The following RABL3 variants were observed in gnomAD, a reference collection of about 807,000 sequenced individuals.
The protein encoded by RABL3 is rab-like protein 3.
Under a neutral mutation model 31.8 loss-of-function variants are expected in RABL3, and 31 were observed. The observed-to-expected ratio is 0.97, with a 90% CI of 0.73 to 1.31. RABL3 has a LOEUF of 1.31. RABL3 is among the 40% of genes most tolerant of loss of function. The probability of loss-of-function intolerance (pLI) is 0.00; values close to 1 mark genes in which losing one functional copy is unlikely to be tolerated. For synonymous variants in RABL3, 97 were observed against 99.9 expected (o/e 0.97, Z 0.18); for missense variants, 263 against 279.6 (o/e 0.94, Z 0.42).
At chr3:120,713,080 A>C (rs376528217) in intron 2 of RABL3, among the ~76,000 whole-genome samples, 59 of 152,252 alleles carry the variant, frequency 3.9e-4, no homozygotes, top group African/African-American at 1.3e-3. Context: ...CCTCCTCTAA[A>C]GGACTATAAC....
intron 1 of RABL3, among the ~76,000 whole-genome samples, chr3:120,740,091 A>C (rs1009678075): frequency 2.0e-5 from 3 of 152,216 alleles, no homozygotes; most frequent in African/African-American, 7.2e-5. Flanking sequence ...AAAAAGGCCC[A>C]ATATAAATAA....
At chr3:120,715,744 T>C (rs947756047) in intron 2 of RABL3, among the ~76,000 whole-genome samples, 1 of 152,016 alleles carries the variant, frequency 6.6e-6, no homozygotes, top group African/African-American at 2.4e-5. Flanking sequence ...TTTTTTTTTT[T>C]CTTAATACTG....
rs1255775422 is a variant in RABL3, at chr3:120,686,828, T to A, written c.*2995A>T. On this transcript the variant is annotated 3_prime_UTR_variant, in exon 8 of 8. Coordinates refer to ENST00000273375, the MANE Select transcript of RABL3 (RefSeq NM_173825.5). ...ATAATCAGAGGACAAAAGGACATAA[T>A]CTAATGGTAATAAACTGTGGAGAAC... The A allele has an allele frequency of 1.3e-5, 2 of 152,174 alleles. No homozygotes were observed. The highest frequency in any genetic ancestry group is 2.9e-5 in the Non-Finnish European group (2 of 68,046). 9.4% of individuals were successfully genotyped at this position (152,174 alleles called of 1,614,324 possible). A position where few individuals can be genotyped will look rare whatever the true frequency, so the allele number is the denominator to read the frequency against.
At chr3:120,733,092 C>T (rs563334437) in intron 1 of RABL3, among the ~76,000 whole-genome samples, 2,764 of 152,104 alleles carry the variant, frequency 0.018, 89 homozygotes, top group African/African-American at 0.063. Flanking sequence ...ACGGGATGGC[C>T]GGGTCAAATG....
At chr3:120,708,422 T>C (rs1246735381) in intron 3 of RABL3, among the ~76,000 whole-genome samples, 1 of 151,964 alleles carries the variant, frequency 6.6e-6, no homozygotes, top group African/African-American at 2.4e-5. Context: ...CTTCTAGGAT[T>C]TGAGTGGTAT....
Position 120,685,758 on chromosome 3 carries a change from T to G in RABL3, c.*4065A>C, listed in dbSNP as rs1437264489. 6.6e-6 allele frequency among the ~76,000 whole-genome samples: 1 copy of G among 152,166 alleles called. No individual in the cohort carries two copies. The highest frequency in any genetic ancestry group is 6.5e-5 in the Admixed American group (1 of 15,282). On this transcript the variant is annotated 3_prime_UTR_variant, in exon 8 of 8. Coordinates refer to ENST00000273375, the MANE Select transcript of RABL3 (RefSeq NM_173825.5). ...GAGTTCACAATCTATATTCCCTACT[T>G]TTTGATGAGTTTATTTGTCTTTCTT...
intron 5 of RABL3, among the ~76,000 whole-genome samples, chr3:120,694,664 G>C (rs1274984316): frequency 6.6e-6 from 1 of 152,038 alleles, no homozygotes; most frequent in Non-Finnish European, 1.5e-5. Context: ...ATATGAATCG[G>C]AGAAAGCAAG....
chr3:120,704,127 T>C (rs1169279070), intron 4 of RABL3, among the ~76,000 whole-genome samples: 1 of 152,214 alleles, frequency 6.6e-6, no homozygotes, highest in Non-Finnish European at 1.5e-5. Context: ...CACCAATGCC[T>C]GTCATGAACA....
chr3:120,723,291 T>C (rs1267863062), intron 2 of RABL3, among the ~76,000 whole-genome samples: 3 of 152,104 alleles, frequency 2.0e-5, no homozygotes, highest in Non-Finnish European at 2.9e-5. Context: ...GGCTAGGAAA[T>C]TGGGGCAACA....
At chr3:120,740,408 G>C (rs1344883472) in intron 1 of RABL3, among the ~76,000 whole-genome samples, 1 of 152,064 alleles carries the variant, frequency 6.6e-6, no homozygotes, top group Admixed American at 6.6e-5. Flanking sequence ...CTACAGGCGT[G>C]CACCACCATG....
intron 4 of RABL3, among the ~76,000 whole-genome samples, chr3:120,704,035 A>G (rs1708522152): frequency 1.3e-5 from 2 of 152,196 alleles, no homozygotes; most frequent in South Asian, 4.1e-4. Context: ...AAGAGGAAGG[A>G]ATACTTCCAA....
chr3:120,734,838 G>T (rs903931611), intron 1 of RABL3, among the ~76,000 whole-genome samples: 2 of 152,130 alleles, frequency 1.3e-5, no homozygotes, highest in East Asian at 1.9e-4. Flanking sequence ...TTATATGCTG[G>T]ATTATATTTA....
chr3:120,709,848 A>G lies in RABL3; in HGVS notation c.200T>C (p.Val67Ala). The G allele has an allele frequency of 1.2e-6, 2 of 1,611,768 alleles. No individual in the cohort carries two copies. Among genetic ancestry groups the G allele is most frequent in the Non-Finnish European group, 8.5e-7 (1 of 1,177,998 alleles). The change falls in exon 3 of 8, where the codon GTT becomes GCT. Residue 67 changes from valine (V) to alanine (A), a missense_variant. Coordinates refer to ENST00000273375, the MANE Select transcript of RABL3 (RefSeq NM_173825.5). The stretch of plus-strand genomic sequence containing the variant: ...GCTGGCACTGCCCACAGAGCCTCCA[A>G]CATCCCATAATTCTATGTAGTAGGT... The part of the protein sequence containing the change: ...EKTYYIELWD[V>A]GGSVGSASSV...
In RABL3 at chr3:120,694,177, G is replaced by C; in HGVS notation, c.582C>G (p.Val194=). 1 of 1,609,642 alleles carries C rather than the reference G, an allele frequency of 6.2e-7. No homozygotes were observed. Among genetic ancestry groups the C allele is most frequent in the Non-Finnish European group, 8.5e-7 (1 of 1,176,560 alleles). ...RYLAAGSSNA[V]KLSRFFDKVI... ...CCTTATCAAAAAACCTACTGAGCTT[G>C]ACAGCATTGGAAGAACCTGCAGCTA... Residue 194 remains valine (V), a synonymous_variant, in exon 6 of 8, where the codon GTC becomes GTG. Coordinates refer to ENST00000273375, the MANE Select transcript of RABL3 (RefSeq NM_173825.5).
At chr3:120,690,271 A>G (rs1426535145) in intron 7 of RABL3, among the ~76,000 whole-genome samples, 178 bp downstream of exon 7, 1 of 152,008 alleles carries the variant, frequency 6.6e-6, no homozygotes, top group Non-Finnish European at 1.5e-5. Flanking sequence ...TGTTTCCTAG[A>G]TCCTTATTTT....
chr3:120,696,373 G>A (rs1708437001), intron 5 of RABL3, among the ~76,000 whole-genome samples: 1 of 151,976 alleles, frequency 6.6e-6, no homozygotes, highest in Admixed American at 6.6e-5. Context: ...TGAAACTCTT[G>A]TATTCAATTT....
At chr3:120,702,658 T>C (rs1708506029) in intron 4 of RABL3, among the ~76,000 whole-genome samples, 1 of 151,574 alleles carries the variant, frequency 6.6e-6, no homozygotes, top group South Asian at 2.1e-4. Flanking sequence ...CCCAGGTTCA[T>C]GCCATTCTCC....
Position 120,686,686 on chromosome 3 carries a change from G to A in RABL3, c.*3137C>T, listed in dbSNP as rs998622395. The A allele has an allele frequency of 6.6e-6, 1 of 152,280 alleles. No homozygotes were observed. The highest frequency in any genetic ancestry group is 1.5e-5 in the Non-Finnish European group (1 of 68,028). The allele number at this position is 152,280 out of a possible 1,614,324, so 9.4% of individuals were successfully genotyped here. ...CACCTATAACGAAAGACAGATTATT[G>A]AGAAAAGCACACACATTTATTTACT... On this transcript the variant is annotated 3_prime_UTR_variant, in exon 8 of 8. Transcript: ENST00000273375.
intron 2 of RABL3, among the ~76,000 whole-genome samples, chr3:120,711,735 C>T (rs1252884619): frequency 6.6e-6 from 1 of 152,084 alleles, no homozygotes; most frequent in Non-Finnish European, 1.5e-5. Flanking sequence ...CGGCATTTTC[C>T]AAGAATTAAT....
Sources: gnomAD v4.1 joint callset for allele counts (sites outside exome capture counted in the v4.1 genomes callset) on GRCh38, gnomAD v4.1.1 for gene constraint, MANE v1.5 for transcripts, NCBI Gene and HGNC (gene_info 2026-07-23, HGNC 2026-07-21) for gene names.